The following DGKB variants were observed in gnomAD, a reference collection of about 807,000 sequenced individuals.
DGKB encodes 90 kDa diacylglycerol kinase.
Under a neutral mutation model 114.3 loss-of-function variants are expected in DGKB, and 67 were observed. That is an observed-to-expected ratio of 0.59 (90% confidence interval 0.48 to 0.72). The LOEUF is 0.72. DGKB is among the 30% of genes least tolerant of loss of function. The pLI is 0.00. For missense variants in DGKB, 907 were observed against 975.2 expected, an observed-to-expected ratio of 0.93 and a Z score of 0.93; for synonymous variants, 398 against 323.1, an observed-to-expected ratio of 1.23 and a Z score of -2.49.
chr7:14,429,596 G>A (rs1328720137), intron 21 of DGKB, among the ~76,000 whole-genome samples: 4 of 152,048 alleles, frequency 2.6e-5, no homozygotes, highest in Non-Finnish European at 4.4e-5. Context: ...TTCACTCTGC[G>A]CCCTTTCCAC....
intron 13 of DGKB, among the ~76,000 whole-genome samples, chr7:14,631,738 G>T (rs947657417): frequency 2.0e-5 from 3 of 151,972 alleles, no homozygotes; most frequent in African/African-American, 7.2e-5. Flanking sequence ...TCAGTTCAAA[G>T]ATATTTGCCA....
rs985177081 is a variant in DGKB, at chr7:14,169,905, T to C, written c.2304+6934A>G. ...ATCCCAGCACTTTGGGCAGCCAAGG[T>C]GGGTGGATCACCTGAGGTTGGGAGT... On this transcript the variant is annotated intron_variant, in intron 25 of 25. Transcript: ENST00000402815. Among the ~76,000 whole-genome samples the C allele has an allele frequency of 7.2e-5, 11 of 151,864 alleles. No homozygotes were observed. The South Asian group carries it at 1.0e-3, about 14-fold the overall frequency.
chr7:14,847,090 A>T (rs938403283), intron 1 of DGKB, among the ~76,000 whole-genome samples: 1 of 152,102 alleles, frequency 6.6e-6, no homozygotes, highest in East Asian at 1.9e-4. Context: ...GGAGATCGAG[A>T]CCATCCTGGC....
At chr7:14,234,223 C>T (rs938742312) in intron 23 of DGKB, among the ~76,000 whole-genome samples, 13 of 152,054 alleles carry the variant, frequency 8.5e-5, no homozygotes, top group Admixed American at 7.2e-4. Flanking sequence ...GTCTCACAAA[C>T]ACAGTTGCAT....
At chr7:14,268,361 G>A (rs1797821949) in intron 23 of DGKB, among the ~76,000 whole-genome samples, 1 of 151,694 alleles carries the variant, frequency 6.6e-6, no homozygotes, top group Non-Finnish European at 1.5e-5. Context: ...ATCTACAACA[G>A]CAATAAATAA....
intron 21 of DGKB, among the ~76,000 whole-genome samples, chr7:14,460,328 A>C (rs191854749): frequency 2.1e-3 from 318 of 152,244 alleles, no homozygotes; most frequent in African/African-American, 7.1e-3. Context: ...GTCAAGACCC[A>C]TTGGTGTGCT....
At chr7:14,715,887 A>C (rs1320644801) in intron 6 of DGKB, among the ~76,000 whole-genome samples, 1 of 152,196 alleles carries the variant, frequency 6.6e-6, no homozygotes, top group African/African-American at 2.4e-5. Context: ...ACTTCCTGTA[A>C]TCAGTAAAAC....
intron 23 of DGKB, among the ~76,000 whole-genome samples, chr7:14,318,994 G>A (rs1807195364): frequency 1.3e-5 from 2 of 151,998 alleles, no homozygotes; most frequent in African/African-American, 4.8e-5. Context: ...GTAGGGACTT[G>A]GATGAAATTG....
chr7:14,363,826 T>G (rs80237702), intron 21 of DGKB, among the ~76,000 whole-genome samples: 2,560 of 151,652 alleles, frequency 0.017, 76 homozygotes, highest in African/African-American at 0.059. Flanking sequence ...TACTAAGGCT[T>G]CTTTCATATC....
intron 2 of DGKB, among the ~76,000 whole-genome samples, chr7:14,787,102 T>C (rs999919737): frequency 6.6e-6 from 1 of 152,134 alleles, no homozygotes; most frequent in Non-Finnish European, 1.5e-5. Context: ...TGTCACTCAA[T>C]AGAGCACCTC....
intron 2 of DGKB, among the ~76,000 whole-genome samples, chr7:14,837,228 A>G (rs1847283346): frequency 6.6e-6 from 1 of 152,194 alleles, no homozygotes; most frequent in South Asian, 2.1e-4. Flanking sequence ...ATCCAAGAAT[A>G]CTGTGCCAGT....
intron 23 of DGKB, among the ~76,000 whole-genome samples, chr7:14,299,277 A>G (rs1803098564): frequency 6.6e-6 from 1 of 152,148 alleles, no homozygotes; most frequent in South Asian, 2.1e-4. Flanking sequence ...GTTGTCTATA[A>G]TGTATAGTTT....
At chr7:14,418,247 G>T (rs1001389665) in intron 21 of DGKB, among the ~76,000 whole-genome samples, 33 of 126,198 alleles carry the variant, frequency 2.6e-4, no homozygotes, top group Non-Finnish European at 4.7e-4. Flanking sequence ...TTATATATGT[G>T]TGTATATATT....
chr7:14,257,943 G>C (rs1398468911), intron 23 of DGKB, among the ~76,000 whole-genome samples: 1 of 152,096 alleles, frequency 6.6e-6, no homozygotes, highest in East Asian at 1.9e-4. Flanking sequence ...GGCTAGGCTG[G>C]TCCTGAACTC....
intron 20 of DGKB, among the ~76,000 whole-genome samples, chr7:14,488,940 G>C (rs1784232978): frequency 6.6e-6 from 1 of 151,870 alleles, no homozygotes; most frequent in East Asian, 1.9e-4. Flanking sequence ...AATCTAAAAT[G>C]AAGAAAATTG....
chr7:14,635,504 G>C (rs956243556), intron 13 of DGKB, among the ~76,000 whole-genome samples: 2 of 151,470 alleles, frequency 1.3e-5, no homozygotes, highest in Non-Finnish European at 3.0e-5. Flanking sequence ...TCTTTCCAAA[G>C]ACTGAGCAAA....
At chr7:14,462,305 G>A (rs1481229767) in intron 21 of DGKB, among the ~76,000 whole-genome samples, 1 of 152,156 alleles carries the variant, frequency 6.6e-6, no homozygotes, top group Non-Finnish European at 1.5e-5. Context: ...AGGAAGAGAG[G>A]AAGTCAAATT....
intron 23 of DGKB, among the ~76,000 whole-genome samples, chr7:14,272,228 T>C (rs1412114567): frequency 1.3e-5 from 2 of 152,218 alleles, no homozygotes; most frequent in Non-Finnish European, 2.9e-5. Context: ...GTTAATGGTG[T>C]GTCAATTTAA....
At chr7:14,684,577 T>C (rs1468453564) in intron 10 of DGKB, among the ~76,000 whole-genome samples, 3 of 152,154 alleles carry the variant, frequency 2.0e-5, no homozygotes, top group Admixed American at 6.6e-5. Flanking sequence ...ATATACACTA[T>C]AAGAACATTC....
Sources: allele counts gnomAD v4.1 joint callset (sites outside exome capture counted in the v4.1 genomes callset), GRCh38; gene constraint gnomAD v4.1.1; transcripts MANE v1.5; gene names NCBI Gene and HGNC (gene_info 2026-07-23, HGNC 2026-07-21).